ATP8A1: variants seen among roughly 807,000 people sequenced by gnomAD.
ATP8A1 encodes phospholipid-transporting ATPase IA.
ATP8A1 carries 90 observed loss-of-function variants against 177.7 expected under a neutral mutation model. The observed-to-expected ratio is 0.51, with a 90% CI of 0.43 to 0.60. ATP8A1 has a LOEUF of 0.60. ATP8A1 is among the 20% of genes least tolerant of loss of function. ATP8A1 has a pLI of 0.00. For synonymous variants in ATP8A1, 493 were observed against 485.9 expected (o/e 1.01, Z -0.19); for missense variants, 1,072 against 1,392.8 (o/e 0.77, Z 3.67).
At chr4:42,598,651 T>C (rs777828841) in intron 6 of ATP8A1, among the ~76,000 whole-genome samples, 1 of 152,206 alleles carries the variant, frequency 6.6e-6, no homozygotes, top group Non-Finnish European at 1.5e-5. Flanking sequence ...TAAATTTGTA[T>C]GAATCTTGAA....
In ATP8A1 at chr4:42,423,614, T is replaced by TA; in HGVS notation, c.3212+2dup. The TA allele has an allele frequency of 6.2e-7, 1 of 1,603,336 alleles. No individual in the cohort carries two copies. On this transcript the variant is annotated splice_region_variant and intron_variant, in intron 34 of 36. Coordinates refer to ENST00000381668, the MANE Select transcript of ATP8A1 (RefSeq NM_006095.2). ...CTCCGTATATAACTGAGTATATACT[T>TA]ACACCTTGTACACCACATCAAGGAG...
intron 5 of ATP8A1, among the ~76,000 whole-genome samples, chr4:42,602,910 C>T (rs1029891827): frequency 3.3e-5 from 5 of 152,092 alleles, no homozygotes; most frequent in African/African-American, 9.7e-5. Context: ...AAATCAACTA[C>T]ACCCAAGATC....
chr4:42,631,144 T>A (rs1577736699), intron 1 of ATP8A1, among the ~76,000 whole-genome samples: 1 of 152,348 alleles, frequency 6.6e-6, no homozygotes, highest in Middle Eastern at 3.4e-3. Context: ...TTTGGGGTGG[T>A]AATTCTCTAC....
intron 15 of ATP8A1, among the ~76,000 whole-genome samples, chr4:42,567,098 G>C (rs987082378): frequency 5.3e-5 from 8 of 152,166 alleles, no homozygotes; most frequent in African/African-American, 1.9e-4. Context: ...ATCTGAACTT[G>C]GTTGCTTAGT....
chr4:42,503,420 G>C, intron 24 of ATP8A1, 30 bp downstream of exon 24: 1 of 1,251,416 alleles, frequency 8.0e-7, no homozygotes, highest in East Asian at 2.4e-5. Context: ...TATTATTAAA[G>C]GAGTTTTAAA....
At position 42,635,810 on chromosome 4, in the gene ATP8A1, T is replaced by TAC. The variant is rs1266691958; in HGVS notation, c.50-8703_50-8702dup. On this transcript the variant is annotated intron_variant, in intron 1 of 36. Transcript: ENST00000381668. The stretch of plus-strand genomic sequence containing the variant: ...ATATATATATATATATATATATATA[T>TAC]ACACATGTATGTATGTATGTAAGCT... 1.0e-3 allele frequency among the ~76,000 whole-genome samples: 107 copies of TAC among 103,874 alleles called. 1 individual carries two copies. The highest frequency in any genetic ancestry group is 5.1e-3 in the African/African-American group (98 of 19,164). 68.1% of individuals were successfully genotyped at this position (103,874 alleles called of 152,430 possible).
At chr4:42,604,215 G>A (rs190757152) in intron 5 of ATP8A1, among the ~76,000 whole-genome samples, 3 of 152,232 alleles carry the variant, frequency 2.0e-5, no homozygotes, top group Admixed American at 2.0e-4. Context: ...ACATTGTGTT[G>A]ACACCCAGTC....
intron 16 of ATP8A1, 62 bp from the exon 17 acceptor site, chr4:42,552,672 A>ATAT: frequency 8.7e-7 from 1 of 1,143,212 alleles, no homozygotes; most frequent in Admixed American, 1.8e-5. Flanking sequence ...ACTGACAGTA[A>ATAT]TATTACTTCA....
At chr4:42,504,482 C>T (rs1724166804) in intron 23 of ATP8A1, among the ~76,000 whole-genome samples, 1 of 152,234 alleles carries the variant, frequency 6.6e-6, no homozygotes, top group Non-Finnish European at 1.5e-5. Flanking sequence ...TTCTTTCTCT[C>T]ATACTCTACA....
At chr4:42,598,000 A>C (rs958088735) in intron 6 of ATP8A1, among the ~76,000 whole-genome samples, 3 of 152,098 alleles carry the variant, frequency 2.0e-5, no homozygotes, top group Admixed American at 6.5e-5. Context: ...GATCTTAATC[A>C]TTTGTCCTAT....
chr4:42,473,818 G>GT (rs1185724441), intron 25 of ATP8A1, among the ~76,000 whole-genome samples: 5 of 98,260 alleles, frequency 5.1e-5, no homozygotes, highest in Admixed American at 1.0e-4. Flanking sequence ...GCTAATTTTT[G>GT]TGTTTTTTTT....
chr4:42,480,080 A>G (rs1361705247), intron 25 of ATP8A1, among the ~76,000 whole-genome samples: 2 of 151,696 alleles, frequency 1.3e-5, no homozygotes, highest in South Asian at 2.1e-4. Context: ...AAGGAGTCAC[A>G]CCTAAAACTG....
chr4:42,621,006 C>G (rs1015343381), intron 4 of ATP8A1, among the ~76,000 whole-genome samples: 4 of 152,170 alleles, frequency 2.6e-5, no homozygotes, highest in Non-Finnish European at 5.9e-5. Context: ...TAAAGGTACT[C>G]AATGATAATT....
chr4:42,592,830 T>C (rs28622418), intron 6 of ATP8A1, among the ~76,000 whole-genome samples: 34,198 of 152,016 alleles, frequency 0.22, 4,331 homozygotes, highest in Non-Finnish European at 0.29. Flanking sequence ...ATTTGTGCAA[T>C]AGGAATTTTT....
chr4:42,489,046 C>G (rs980223863), intron 24 of ATP8A1, among the ~76,000 whole-genome samples: 2 of 152,158 alleles, frequency 1.3e-5, no homozygotes, highest in African/African-American at 4.8e-5. Context: ...GAGAGAGACA[C>G]ACACAGAGAG....
At chr4:42,519,812 G>A (rs539554831) in intron 22 of ATP8A1, among the ~76,000 whole-genome samples, 99 of 152,240 alleles carry the variant, frequency 6.5e-4, no homozygotes, top group African/African-American at 2.2e-3. Flanking sequence ...AGACAAATTA[G>A]TTATAAATTC....
chr4:42,416,003 A>C (rs1467680447), intron 35 of ATP8A1, among the ~76,000 whole-genome samples: 1 of 152,268 alleles, frequency 6.6e-6, no homozygotes, highest in Non-Finnish European at 1.5e-5. Flanking sequence ...AATTAGCTAC[A>C]TGAAGGCAAG....
At chr4:42,570,447 C>T (rs1017557985) in intron 14 of ATP8A1, among the ~76,000 whole-genome samples, 1 of 152,216 alleles carries the variant, frequency 6.6e-6, no homozygotes, top group African/African-American at 2.4e-5. Flanking sequence ...TGGACTGTGC[C>T]AGGGAAGGGC....
chr4:42,590,765 G>A (rs1465491738), intron 7 of ATP8A1, 46 bp downstream of exon 7: 1 of 1,559,972 alleles, frequency 6.4e-7, no homozygotes. Context: ...CCGGTTTACG[G>A]TGAGGACCCA....
Sources: allele counts gnomAD v4.1 joint callset (sites outside exome capture counted in the v4.1 genomes callset), GRCh38; gene constraint gnomAD v4.1.1; transcripts MANE v1.5; gene names NCBI Gene and HGNC (gene_info 2026-07-23, HGNC 2026-07-21).